Variants in SPATA16 observed in about 807,000 individuals in gnomAD.
SPATA16 encodes the protein spermatogenesis associated 16.
SPATA16 carries 36 observed loss-of-function variants against 63.3 expected under a neutral mutation model. The observed-to-expected ratio is 0.57, with a 90% CI of 0.44 to 0.75. The LOEUF (loss-of-function observed/expected upper bound fraction) is 0.75. Ranked by LOEUF, SPATA16 falls within the 30% of genes least tolerant of loss-of-function variation. The pLI is 0.00. For synonymous variants in SPATA16, 203 were observed against 216.7 expected (o/e 0.94, Z 0.56); for missense variants, 646 against 679.3 (o/e 0.95, Z 0.54).
intron 10 of SPATA16, among the ~76,000 whole-genome samples, chr3:172,893,222 C>T (rs368961149): frequency 5.8e-4 from 88 of 152,246 alleles, no homozygotes; most frequent in African/African-American, 1.7e-3. Flanking sequence ...AGGGTATTTA[C>T]GTAGCTAATC....
intron 6 of SPATA16, among the ~76,000 whole-genome samples, chr3:172,930,708 G>A (rs1732852363): frequency 6.6e-6 from 1 of 151,890 alleles, no homozygotes; most frequent in South Asian, 2.1e-4. Context: ...ACAGTTGCCT[G>A]CCACCATACC....
At chr3:172,916,588 A>G in intron 8 of SPATA16, 107 bp from the exon 9 acceptor site, 2 of 1,213,052 alleles carry the variant, frequency 1.6e-6, no homozygotes, top group Non-Finnish European at 2.4e-6. Context: ...CTTTTGAAAT[A>G]ACGGAATCTA....
At chr3:173,074,663 G>T (rs1241507026) in intron 2 of SPATA16, among the ~76,000 whole-genome samples, 1 of 152,026 alleles carries the variant, frequency 6.6e-6, no homozygotes, top group Non-Finnish European at 1.5e-5. Flanking sequence ...TTTATCAGAA[G>T]TGTGAAAACG....
chr3:173,095,579 A>G (rs1737332548), intron 2 of SPATA16, among the ~76,000 whole-genome samples: 1 of 152,252 alleles, frequency 6.6e-6, no homozygotes, highest in East Asian at 1.9e-4. Flanking sequence ...CCTTCTATCA[A>G]TCATTGCCAC....
intron 10 of SPATA16, among the ~76,000 whole-genome samples, 197 bp from the exon 11 acceptor site, chr3:172,889,889 A>G (rs1052306935): frequency 2.0e-5 from 3 of 152,180 alleles, no homozygotes; most frequent in African/African-American, 7.2e-5. Context: ...CTAACTTAAC[A>G]CAAAGCAGAA....
intron 2 of SPATA16, among the ~76,000 whole-genome samples, chr3:173,077,527 G>A (rs1320986498): frequency 6.6e-6 from 1 of 152,166 alleles, no homozygotes; most frequent in Non-Finnish European, 1.5e-5. Flanking sequence ...TTGAGTTTCA[G>A]TGTAAAAGCA....
At chr3:172,942,280 T>C (rs1392110) in intron 6 of SPATA16, among the ~76,000 whole-genome samples, 13,283 of 152,018 alleles carry the variant, frequency 0.087, 1,920 homozygotes, top group African/African-American at 0.3. Context: ...CATAAATAAG[T>C]AATTAAATAG....
chr3:172,993,957 C>A (rs1734640236), intron 4 of SPATA16, among the ~76,000 whole-genome samples: 1 of 152,056 alleles, frequency 6.6e-6, no homozygotes, highest in Admixed American at 6.6e-5. Flanking sequence ...TTTGTGTTCA[C>A]ATGTTAATAA....
chr3:172,940,883 T>C (rs1376119170), intron 6 of SPATA16, among the ~76,000 whole-genome samples: 1 of 152,038 alleles, frequency 6.6e-6, no homozygotes, highest in Non-Finnish European at 1.5e-5. Context: ...CTCGGGAGGC[T>C]GAGGCAGGAG....
intron 5 of SPATA16, among the ~76,000 whole-genome samples, chr3:172,960,024 T>C (rs1733712320): frequency 6.6e-6 from 1 of 151,756 alleles, no homozygotes; most frequent in Non-Finnish European, 1.5e-5. Context: ...ATGTGTAAAT[T>C]AAAAATTATA....
chr3:173,118,657 C>A (rs1437322811), intron 1 of SPATA16, among the ~76,000 whole-genome samples: 1 of 152,088 alleles, frequency 6.6e-6, no homozygotes, highest in Admixed American at 6.5e-5. Context: ...GAACAGGGAC[C>A]ACATTTTGCA....
intron 2 of SPATA16, among the ~76,000 whole-genome samples, chr3:173,111,957 G>A (rs979463): frequency 0.3 from 46,094 of 151,968 alleles, 7,287 homozygotes; most frequent in African/African-American, 0.37. Flanking sequence ...AAATATAACT[G>A]TTTTTAAAAT....
At chr3:173,114,298 T>C (rs949300492) in intron 2 of SPATA16, among the ~76,000 whole-genome samples, 1 of 152,106 alleles carries the variant, frequency 6.6e-6, no homozygotes, top group Non-Finnish European at 1.5e-5. Context: ...TAACAGAACT[T>C]CAGAATGTTA....
intron 2 of SPATA16, among the ~76,000 whole-genome samples, chr3:173,078,462 C>T (rs1484361621): frequency 1.3e-5 from 2 of 152,128 alleles, no homozygotes; most frequent in Non-Finnish European, 1.5e-5. Flanking sequence ...TGGCTAAAAA[C>T]GTATCTGTTG....
At chr3:173,067,993 G>C (rs1169833653) in intron 2 of SPATA16, among the ~76,000 whole-genome samples, 1 of 152,162 alleles carries the variant, frequency 6.6e-6, no homozygotes, top group African/African-American at 2.4e-5. Context: ...TTTCAACATA[G>C]AATATTACAT....
At chr3:172,892,758 A>G (rs1301499414) in intron 10 of SPATA16, among the ~76,000 whole-genome samples, 2 of 152,232 alleles carry the variant, frequency 1.3e-5, no homozygotes, top group Non-Finnish European at 2.9e-5. Flanking sequence ...AGTACACAAG[A>G]AAGGACACAG....
chr3:173,094,254 A>G (rs573446909), intron 2 of SPATA16, among the ~76,000 whole-genome samples: 7 of 152,276 alleles, frequency 4.6e-5, no homozygotes, highest in African/African-American at 1.4e-4. Context: ...CATAAGAACA[A>G]CATCCAAGGG....
chr3:173,104,199 A>G (rs1489333818), intron 2 of SPATA16, among the ~76,000 whole-genome samples: 2 of 152,128 alleles, frequency 1.3e-5, no homozygotes. Flanking sequence ...CAATTATTTA[A>G]CCAGTTTCTA....
At chr3:173,016,077 T>C (rs1023135187) in intron 4 of SPATA16, among the ~76,000 whole-genome samples, 9 of 152,182 alleles carry the variant, frequency 5.9e-5, no homozygotes, top group African/African-American at 2.2e-4. Context: ...TTAACTTAAT[T>C]TGTGGTCTGA....
Sources: gnomAD v4.1 joint callset for allele counts (sites outside exome capture counted in the v4.1 genomes callset) on GRCh38, gnomAD v4.1.1 for gene constraint, MANE v1.5 for transcripts, NCBI Gene and HGNC (gene_info 2026-07-23, HGNC 2026-07-21) for gene names.